CPQ: variants seen among roughly 807,000 people sequenced by gnomAD.
The protein encoded by CPQ is carboxypeptidase Q.
CPQ carries 37 observed loss-of-function variants against 45.7 expected under a neutral mutation model. That is an observed-to-expected ratio of 0.81 (90% confidence interval 0.62 to 1.07). The LOEUF (loss-of-function observed/expected upper bound fraction) is 1.07, where lower values mean the gene tolerates loss of function less well. Among genes scored for constraint, CPQ ranks in the 50% least tolerant of loss-of-function variants. CPQ has a pLI of 0.00. For synonymous variants in CPQ, 186 were observed against 205.8 expected (o/e 0.90, Z 0.82); for missense variants, 537 against 572.9 (o/e 0.94, Z 0.64).
At chr8:96,648,155 A>G (rs1207722385) in intron 1 of CPQ, among the ~76,000 whole-genome samples, 2 of 152,204 alleles carry the variant, frequency 1.3e-5, no homozygotes, top group African/African-American at 4.8e-5. Context: ...CTTTTTCGTC[A>G]GCCAAGTTTA....
intron 7 of CPQ, among the ~76,000 whole-genome samples, chr8:97,130,421 T>G (rs142314523): frequency 5.1e-5 from 1 of 19,552 alleles, no homozygotes; most frequent in Non-Finnish European, 9.5e-5. Flanking sequence ...TCGTCAGCTG[T>G]TTTTTTTTTT....
chr8:96,661,413 C>A (rs1042444305), intron 1 of CPQ, among the ~76,000 whole-genome samples: 3 of 151,950 alleles, frequency 2.0e-5, no homozygotes, highest in African/African-American at 7.3e-5. Flanking sequence ...GTTTGGATTG[C>A]CCTAAAAATC....
intron 3 of CPQ, among the ~76,000 whole-genome samples, chr8:96,844,111 G>A (rs1249577781): frequency 1.3e-5 from 2 of 152,112 alleles, no homozygotes; most frequent in South Asian, 4.1e-4. Flanking sequence ...TGAATCTCTA[G>A]TGGCAAAAAG....
rs1428339501 is a variant in CPQ at position 97,122,961 on chromosome 8, TAAAA to T, written c.1256-20058_1256-20055del. 7.1e-3 allele frequency among the ~76,000 whole-genome samples: 422 copies of T among 59,456 alleles called. 10 individuals are homozygous for T. The highest frequency in any genetic ancestry group is 8.7e-3 in the Non-Finnish European group (326 of 37,282). The allele number at this position is 59,456 out of a possible 152,430, so 39.0% of individuals were successfully genotyped here. A position where few individuals can be genotyped will look rare whatever the true frequency, so the allele number is the denominator to read the frequency against. ...TAAAATAAAATAAAATAAAATAAAA[TAAAA>T]TAAAATAAAATAAAATTAAAATAAA... On this transcript the variant is annotated intron_variant, in intron 7 of 7. Coordinates refer to ENST00000220763, the MANE Select transcript of CPQ (RefSeq NM_016134.4).
rs2952061 is a variant in CPQ at position 96,724,286 on chromosome 8, T to C, written c.-34-60578T>C. On this transcript the variant is annotated intron_variant, in intron 1 of 7. Transcript: ENST00000220763. Reference sequence around the variant, plus strand: ...TGCATATTATAGTCATTCATACCTTTTGACTGCTCTGTAATATTCAATGTG... The same window carrying C: ...TGCATATTATAGTCATTCATACCTTCTGACTGCTCTGTAATATTCAATGTG... Among the ~76,000 whole-genome samples, 742 of 152,228 alleles carry C rather than the reference T, an allele frequency of 4.9e-3. 5 individuals carry two copies. Among genetic ancestry groups the C allele is most frequent in the African/African-American group, 0.017 (712 of 41,534 alleles).
In CPQ at chr8:96,691,638, G is replaced by A. The variant is rs183144174; in HGVS notation, c.-35+46236G>A. ...ACTTGAGGACTCAAGATCTACATTT[G>A]GACAATAATATAAGTTAAAACAAAA... On this transcript the variant is annotated intron_variant, in intron 1 of 7. Transcript: ENST00000220763. Among the ~76,000 whole-genome samples, 25 of 152,212 alleles carry A rather than the reference G, an allele frequency of 1.6e-4. No individual in the cohort carries two copies. The East Asian group carries it at 4.8e-3, about 29-fold the overall frequency.
chr8:97,088,835 A>G (rs1392014133), intron 7 of CPQ, among the ~76,000 whole-genome samples: 11 of 152,220 alleles, frequency 7.2e-5, no homozygotes, highest in Admixed American at 5.9e-4. Flanking sequence ...GAACAGCTCA[A>G]TTAAAACTAC....
chr8:97,111,259 T>G (rs1049877268), intron 7 of CPQ, among the ~76,000 whole-genome samples: 1 of 152,200 alleles, frequency 6.6e-6, no homozygotes, highest in African/African-American at 2.4e-5. Flanking sequence ...CTTTTCCTCC[T>G]CCTAGAAGCT....
At chr8:96,972,776 A>G (rs560926781) in intron 5 of CPQ, among the ~76,000 whole-genome samples, 1 of 152,304 alleles carries the variant, frequency 6.6e-6, no homozygotes, top group African/African-American at 2.4e-5. Flanking sequence ...TAGACCCAGA[A>G]GAGCAAAAAC....
At chr8:96,830,093 TC>T (rs1171272728) in intron 2 of CPQ, among the ~76,000 whole-genome samples, 1 of 152,172 alleles carries the variant, frequency 6.6e-6, no homozygotes, top group Admixed American at 6.6e-5. Context: ...GACCTAGTTA[TC>T]TTGCATAGTG....
intron 2 of CPQ, among the ~76,000 whole-genome samples, chr8:96,809,499 G>A (rs535591169): frequency 8.0e-4 from 122 of 152,196 alleles, no homozygotes; most frequent in African/African-American, 2.8e-3. Flanking sequence ...AAAACATTAC[G>A]CACCATATGA....
chr8:96,895,818 A>C (rs1812435099), intron 4 of CPQ, among the ~76,000 whole-genome samples: 1 of 152,188 alleles, frequency 6.6e-6, no homozygotes, highest in African/African-American at 2.4e-5. Context: ...TCTTAATTTA[A>C]GGTTAAACTA....
At chr8:96,792,604 G>T (rs1810863579) in intron 2 of CPQ, among the ~76,000 whole-genome samples, 1 of 152,008 alleles carries the variant, frequency 6.6e-6, no homozygotes, top group Admixed American at 6.6e-5. Context: ...TTAGTTAGGG[G>T]GCTCCTGGCG....
At chr8:96,912,816 C>A (rs78771740) in intron 4 of CPQ, among the ~76,000 whole-genome samples, 1 of 152,158 alleles carries the variant, frequency 6.6e-6, no homozygotes, top group South Asian at 2.1e-4. Context: ...TGATTCCATA[C>A]GCTTTCTTCT....
In CPQ at chr8:96,785,284, G is replaced by T. The variant is rs1481317696; in HGVS notation, c.387G>T (p.Lys129Asn). 1.9e-6 allele frequency: 3 copies of T among 1,612,708 alleles called. No individual in the cohort carries two copies. The highest frequency in any genetic ancestry group is 2.5e-6 in the Non-Finnish European group (3 of 1,179,174). The stretch of plus-strand genomic sequence containing the variant: ...TGATGCTGGAGCCAAGAATTCATAA[G>T]ATAGCCATCCTGGGTCTTGGCAGCA... ...SAVMLEPRIH[K>N]IAILGLGSSI... Residue 129 changes from lysine to asparagine, a missense_variant, in exon 2 of 8, where the codon AAG becomes AAT. Lys to Asn is a moderately conservative substitution (Grantham distance 94). Coordinates refer to ENST00000220763, the MANE Select transcript of CPQ (RefSeq NM_016134.4).
At chr8:96,975,431 C>T (rs1462944693) in intron 5 of CPQ, among the ~76,000 whole-genome samples, 1 of 151,892 alleles carries the variant, frequency 6.6e-6, no homozygotes, top group Non-Finnish European at 1.5e-5. Flanking sequence ...ACCAATTCTA[C>T]TATTTCAAAG....
intron 6 of CPQ, among the ~76,000 whole-genome samples, chr8:97,041,429 A>G (rs1202163299): frequency 1.3e-5 from 2 of 152,194 alleles, no homozygotes; most frequent in African/African-American, 4.8e-5. Context: ...ATCACCTGCA[A>G]ACAGGGACAA....
intron 2 of CPQ, among the ~76,000 whole-genome samples, chr8:96,823,986 A>G (rs1811345179): frequency 2.6e-5 from 4 of 152,082 alleles, no homozygotes; most frequent in Admixed American, 2.0e-4. Flanking sequence ...CAATCATTCT[A>G]TGTCTTCATA....
At chr8:96,661,993 T>C (rs749238631) in intron 1 of CPQ, among the ~76,000 whole-genome samples, 6 of 152,306 alleles carry the variant, frequency 3.9e-5, no homozygotes, top group South Asian at 2.1e-4. Flanking sequence ...GCTAGGTCTG[T>C]AGTGGTATCT....
Sources: gnomAD v4.1 joint callset for allele counts (sites outside exome capture counted in the v4.1 genomes callset) on GRCh38, gnomAD v4.1.1 for gene constraint, MANE v1.5 for transcripts, NCBI Gene and HGNC (gene_info 2026-07-23, HGNC 2026-07-21) for gene names.